Variants in SP140 observed in about 807,000 individuals in gnomAD.
SP140 encodes the protein nuclear body protein SP140.
A neutral mutation model predicts 125.0 loss-of-function variants in SP140; 81 were observed. The ratio of observed to expected loss-of-function variants is 0.65; its 90% CI spans 0.54 to 0.78. The LOEUF is 0.78. Ranked by LOEUF, SP140 falls within the 30% of genes least tolerant of loss-of-function variation. The pLI, the probability that SP140 is intolerant of heterozygous loss-of-function variation, is 0.00. For missense variants in SP140, 858 were observed against 1,037.0 expected (o/e 0.83, Z 2.37); for synonymous variants, 312 against 354.0 (o/e 0.88, Z 1.33).
At chr2:230,202,421 G>T (rs1217863971), upstream of SP140, among the ~76,000 whole-genome samples, 1 of 152,162 alleles carries the variant, frequency 6.6e-6, no homozygotes, top group Non-Finnish European at 1.5e-5. Flanking sequence ...TGCAACAGAT[G>T]CTTGCTCTCT....
chr2:230,259,796 A>ATATATATATATATATATATG (rs71049700), intron 12 of SP140, among the ~76,000 whole-genome samples: 2 of 107,950 alleles, frequency 1.9e-5, no homozygotes, highest in Non-Finnish European at 4.1e-5. Flanking sequence ...ATATATATAT[A>ATATATATATATATATATATG]CCACATACAT....
intron 22 of SP140, among the ~76,000 whole-genome samples, chr2:230,306,802 C>A (rs973441229): frequency 6.6e-6 from 1 of 152,222 alleles, no homozygotes; most frequent in Non-Finnish European, 1.5e-5. Flanking sequence ...GCAGGTGCCC[C>A]TTTGGGCAAG....
chr2:230,206,020 T>C (rs1373313197), intron 1 of SP140, among the ~76,000 whole-genome samples: 1 of 152,172 alleles, frequency 6.6e-6, no homozygotes, highest in African/African-American at 2.4e-5. Flanking sequence ...TGTCTCTCCT[T>C]CCTGCCCAGG....
chr2:230,289,126 TC>T, intron 18 of SP140, among the ~76,000 whole-genome samples: 1 of 152,330 alleles, frequency 6.6e-6, no homozygotes, highest in Admixed American at 6.5e-5. Flanking sequence ...CTCTTCAGCA[TC>T]TGTTGTTTCC....
intron 1 of SP140, chr2:230,209,984 G>T: frequency 2.5e-6 from 4 of 1,606,604 alleles, no homozygotes; most frequent in Non-Finnish European, 1.7e-6. Flanking sequence ...TGGGTCATTT[G>T]GTTCTGGAGA....
intron 12 of SP140, among the ~76,000 whole-genome samples, chr2:230,259,554 T>C (rs1284905733): frequency 6.7e-6 from 1 of 150,362 alleles, no homozygotes; most frequent in Non-Finnish European, 1.5e-5. Context: ...GGCATGGTAG[T>C]GTGTGCCTGT....
chr2:230,314,767 CACTA>C (rs747735739), downstream of SP140, among the ~76,000 whole-genome samples: 12 of 152,224 alleles, frequency 7.9e-5, no homozygotes, highest in African/African-American at 2.7e-4. Flanking sequence ...GTGTCTCAGA[CACTA>C]ACTAAAGGGA....
rs2048140995 is a variant in SP140, at chr2:230,237,318, T to C, written c.237+58T>C. 1 of 1,522,106 alleles carries C rather than the reference T, an allele frequency of 6.6e-7. No individual in the cohort carries two copies. The highest frequency in any genetic ancestry group is 1.2e-5 in the South Asian group (1 of 85,682). 94.3% of individuals were successfully genotyped at this position (1,522,106 alleles called of 1,614,324 possible). ...GGTCCATACTCAATTATGCCAAACTTCAAGATGCAATGAGCAGGCTAAAGG... is the reference window on the plus strand; with the variant it reads ...GGTCCATACTCAATTATGCCAAACTCCAAGATGCAATGAGCAGGCTAAAGG... On this transcript the variant is annotated intron_variant, in intron 2 of 26. Coordinates refer to ENST00000392045, the MANE Select transcript of SP140 (RefSeq NM_007237.5). The surrounding 1 kb of genome is among the most constrained non-coding windows in gnomAD (Gnocchi z 5.4).
At chr2:230,284,270 A>G in intron 15 of SP140, 76 bp from the exon 16 acceptor site, 1 of 1,387,278 alleles carries the variant, frequency 7.2e-7, no homozygotes, top group Non-Finnish European at 9.8e-7. Context: ...AAAATCTTTA[A>G]TACTATTGGC....
At chr2:230,300,405 C>G (rs1191604652) in intron 22 of SP140, among the ~76,000 whole-genome samples, 6 of 152,310 alleles carry the variant, frequency 3.9e-5, no homozygotes, top group Non-Finnish European at 5.9e-5. Flanking sequence ...CCACTTCACT[C>G]CCCTGCTACC....
intron 3 of SP140, 99 bp from the exon 4 acceptor site, chr2:230,241,305 G>T: frequency 6.6e-6 from 5 of 754,810 alleles, no homozygotes; most frequent in South Asian, 5.9e-5. Context: ...TCGGGGGTGG[G>T]AGATCCTGGG....
intron 15 of SP140, among the ~76,000 whole-genome samples, chr2:230,281,230 A>G (rs1644756865): frequency 6.6e-6 from 1 of 152,222 alleles, no homozygotes; most frequent in Admixed American, 6.5e-5. Context: ...ACATAGATTC[A>G]CAATTAACAT....
intron 3 of SP140, chr2:230,215,252 C>A: frequency 1.3e-6 from 1 of 743,292 alleles, no homozygotes; most frequent in Non-Finnish European, 2.3e-6. Context: ...TATATAGTCA[C>A]ATTCTCTAAG....
chr2:230,228,380 C>T (rs529387158), intron 1 of SP140, among the ~76,000 whole-genome samples: 35 of 152,240 alleles, frequency 2.3e-4, no homozygotes, highest in African/African-American at 7.7e-4. Context: ...AATGGAGTAC[C>T]GTATAAGTGT....
chr2:230,201,818 T>C (rs1457001709), upstream of SP140, among the ~76,000 whole-genome samples: 5 of 152,258 alleles, frequency 3.3e-5, no homozygotes, highest in Non-Finnish European at 5.9e-5. Context: ...AGTATGAAGT[T>C]AATTGATATG....
intron 1 of SP140, among the ~76,000 whole-genome samples, chr2:230,206,571 A>G (rs1284056101): frequency 7.8e-6 from 1 of 128,132 alleles, no homozygotes; most frequent in Non-Finnish European, 1.6e-5. Context: ...TGGTCCAGAT[A>G]TTATATATTA....
At chr2:230,191,722 A>G in the SP140 span, among the ~76,000 whole-genome samples, 1 of 152,184 alleles carries the variant, frequency 6.6e-6, no homozygotes, top group African/African-American at 2.4e-5. Flanking sequence ...AGCTGGTACC[A>G]TTACTTCTGA....
chr2:230,313,496 T>G (rs2059454243), downstream of SP140, among the ~76,000 whole-genome samples: 1 of 152,196 alleles, frequency 6.6e-6, no homozygotes, highest in African/African-American at 2.4e-5. Context: ...AAAGGTATGG[T>G]GTGCGGCTAC....
upstream of SP140, among the ~76,000 whole-genome samples, chr2:230,224,397 G>A (rs182287021): frequency 4.9e-5 from 7 of 143,350 alleles, no homozygotes; most frequent in East Asian, 1.5e-3. Flanking sequence ...TCTAACAGAA[G>A]CCCAGCATAC....
Sources: gnomAD v4.1 joint callset for allele counts (sites outside exome capture counted in the v4.1 genomes callset) on GRCh38, gnomAD v4.1.1 for gene constraint, Gnocchi (gnomAD v3.1) non-coding constraint, MANE v1.5 for transcripts, NCBI Gene and HGNC (gene_info 2026-07-23, HGNC 2026-07-21) for gene names.